Variants in C6 observed in about 807,000 individuals in gnomAD.
C6 encodes complement C6.
C6 carries 101 observed loss-of-function variants against 112.9 expected under a neutral mutation model. That is an observed-to-expected ratio of 0.89 (90% CI 0.76 to 1.06). The LOEUF is 1.06. Ranked by LOEUF, C6 falls within the 50% of genes least tolerant of loss-of-function variation. The pLI, the probability that C6 is intolerant of heterozygous loss-of-function variation, is 0.00. For synonymous variants in C6, 431 were observed against 384.1 expected, an observed-to-expected ratio of 1.12 and a Z score of -1.43; for missense variants, 1,202 against 1,104.6, an observed-to-expected ratio of 1.09 and a Z score of -1.25.
chr5:41,188,384 G>T (rs1236080739), intron 5 of C6, among the ~76,000 whole-genome samples: 2 of 152,038 alleles, frequency 1.3e-5, no homozygotes, highest in African/African-American at 4.8e-5. Context: ...CAAAATTAGG[G>T]TCATCAAGAC....
chr5:41,225,778 A>C (rs547616113), intron 1 of C6, among the ~76,000 whole-genome samples: 3 of 152,290 alleles, frequency 2.0e-5, no homozygotes, highest in African/African-American at 7.2e-5. Flanking sequence ...AACAGAACAG[A>C]GCCCTCAGAA....
intron 17 of C6, among the ~76,000 whole-genome samples, chr5:41,148,083 C>T (rs1207592898): frequency 6.6e-6 from 1 of 152,080 alleles, no homozygotes; most frequent in Admixed American, 6.6e-5. Flanking sequence ...ATAATATTTA[C>T]CTAGAAATGT....
At chr5:41,171,136 A>C (rs1748392244) in intron 9 of C6, among the ~76,000 whole-genome samples, 3 of 152,200 alleles carry the variant, frequency 2.0e-5, no homozygotes, top group Admixed American at 2.0e-4. Context: ...TTTGCCTTCC[A>C]TTGAAGGTTT....
chr5:41,190,935 T>C (rs745323649), intron 5 of C6, among the ~76,000 whole-genome samples: 17 of 152,162 alleles, frequency 1.1e-4, no homozygotes, highest in Non-Finnish European at 2.1e-4. Context: ...TATTTCTGGG[T>C]TCTGTATTCG....
rs868453070 is a variant in C6, at chr5:41,154,821, C to T, written c.2101+151G>A. 21 of 784,864 alleles carry T rather than the reference C, an allele frequency of 2.7e-5. No individual in the cohort carries two copies. The Middle Eastern group carries it at 1.4e-3, about 53-fold the overall frequency. 48.6% of individuals were successfully genotyped at this position (784,864 alleles called of 1,614,324 possible). ...GAAATCCAGTTTTAGCAAATGAGCC[C>T]TTCTATTTATTTTCTGCTTCACAAA... On this transcript the variant is annotated intron_variant, in intron 14 of 17. Transcript: ENST00000337836.
At chr5:41,210,083 C>T (rs953807338) in intron 1 of C6, among the ~76,000 whole-genome samples, 1 of 152,190 alleles carries the variant, frequency 6.6e-6, no homozygotes, top group African/African-American at 2.4e-5. Flanking sequence ...GCCATCTGAT[C>T]TTTGACAAAT....
intron 4 of C6, among the ~76,000 whole-genome samples, chr5:41,198,893 A>G (rs969980672): frequency 1.3e-5 from 2 of 152,164 alleles, no homozygotes; most frequent in African/African-American, 4.8e-5. Context: ...ACCCTCAGCC[A>G]TTCTCATTCG....
intron 7 of C6, 81 bp from the exon 8 acceptor site, chr5:41,176,796 TCATTAGTTTCATTCCCAC>T: frequency 8.2e-7 from 1 of 1,215,294 alleles, no homozygotes; most frequent in Non-Finnish European, 1.2e-6. Context: ...CATTGATTTA[TCATTAGTTTCATTCCCAC>T]CACAGAATTA....
At position 41,211,040 on chromosome 5, in the gene C6, T is replaced by C. The variant is rs1212857585; in HGVS notation, c.-21+2336A>G. ...AAGAAAATGTGGCACATATACACCA[T>C]GGAATACTATGTAGCCATAAAAAAT... On this transcript the variant is annotated intron_variant, in intron 1 of 17. Coordinates refer to ENST00000337836, the MANE Select transcript of C6 (RefSeq NM_000065.5). Among the ~76,000 whole-genome samples the C allele has an allele frequency of 2.6e-5, 4 of 152,196 alleles. No homozygotes were observed. The East Asian group carries it at 7.7e-4, about 29-fold the overall frequency.
chr5:41,149,195 T>G, intron 17 of C6, 46 bp downstream of exon 17: 1 of 1,609,148 alleles, frequency 6.2e-7, no homozygotes, highest in Non-Finnish European at 8.5e-7. Context: ...CTAGCTGAGA[T>G]GAAGGTTAAG....
At chr5:41,168,535 A>G (rs1053675313) in intron 9 of C6, among the ~76,000 whole-genome samples, 1 of 152,148 alleles carries the variant, frequency 6.6e-6, no homozygotes, top group African/African-American at 2.4e-5. Flanking sequence ...AAACAAGGGC[A>G]ATTTTTTAGA....
chr5:41,255,466 G>T lies in C6; in HGVS notation c.-21+5728C>A, dbSNP rs1014963167. 9.2e-5 allele frequency among the ~76,000 whole-genome samples: 14 copies of T among 152,242 alleles called. 1 individual carries two copies. Among genetic ancestry groups the T allele is most frequent in the Admixed American group, 7.8e-4 (12 of 15,288 alleles). ...TGGACTCTTTGGGCTGCAAGTAACG[G>T]AGACAAGGGCTTACTTATAGGAAAT... On this transcript the variant is annotated intron_variant, in intron 1 of 17. Coordinates refer to the C6 transcript ENST00000263413.
rs1373389853 is a variant in C6 at position 41,142,586 on chromosome 5, G to C, written c.*239C>G. On this transcript the variant is annotated 3_prime_UTR_variant, in exon 18 of 18. Transcript: ENST00000337836. The stretch of plus-strand genomic sequence containing the variant: ...ACAATGTGAACAGGAGAATTTACGA[G>C]ACTGCTGTGGAAGTTGGTACCTAGG... The C allele has an allele frequency of 3.6e-6, 2 of 553,058 alleles. No homozygotes were observed. Among genetic ancestry groups the C allele is most frequent in the Admixed American group, 3.0e-5 (1 of 33,062 alleles). 34.3% of individuals were successfully genotyped at this position (553,058 alleles called of 1,614,324 possible).
At chr5:41,258,822 C>T (rs1580266929) in intron 1 of C6, among the ~76,000 whole-genome samples, 1 of 152,104 alleles carries the variant, frequency 6.6e-6, no homozygotes, top group Non-Finnish European at 1.5e-5. Context: ...AGAATGAGTG[C>T]AAGCAGGGGA....
intron 1 of C6, among the ~76,000 whole-genome samples, chr5:41,229,623 T>A (rs1199166453): frequency 1.3e-5 from 2 of 152,146 alleles, no homozygotes; most frequent in African/African-American, 4.8e-5. Flanking sequence ...TAACGTTCAG[T>A]GTGTGCTTTA....
chr5:41,249,256 A>T (rs1432017986), intron 1 of C6, among the ~76,000 whole-genome samples: 1 of 152,204 alleles, frequency 6.6e-6, no homozygotes, highest in East Asian at 1.9e-4. Flanking sequence ...CCAGGTAACA[A>T]AACTGCACAT....
chr5:41,253,938 A>C (rs2150441040), intron 1 of C6, among the ~76,000 whole-genome samples: 1 of 152,352 alleles, frequency 6.6e-6, no homozygotes. Flanking sequence ...GGATTTTATA[A>C]CATTCCAAGT....
At chr5:41,207,445 G>C (rs1751526434) in intron 1 of C6, among the ~76,000 whole-genome samples, 1 of 152,136 alleles carries the variant, frequency 6.6e-6, no homozygotes, top group Admixed American at 6.5e-5. Flanking sequence ...ATTGGATAAA[G>C]AGTCAAGACC....
chr5:41,233,637 G>T (rs1038130008), intron 1 of C6, among the ~76,000 whole-genome samples: 1 of 151,994 alleles, frequency 6.6e-6, no homozygotes, highest in Non-Finnish European at 1.5e-5. Flanking sequence ...CACATTTGTA[G>T]ATTTGTAATA....
Sources: gnomAD v4.1 joint callset for allele counts (sites outside exome capture counted in the v4.1 genomes callset) on GRCh38, gnomAD v4.1.1 for gene constraint, MANE v1.5 for transcripts, NCBI Gene and HGNC (gene_info 2026-07-23, HGNC 2026-07-21) for gene names.